The following UNC13C variants were observed in gnomAD, a reference collection of about 807,000 sequenced individuals.
The protein encoded by UNC13C is unc-13 homolog C, also known as protein unc-13 homolog C.
Under a neutral mutation model 245.4 loss-of-function variants are expected in UNC13C, and 174 were observed. The observed-to-expected ratio is 0.71, with a 90% CI of 0.63 to 0.80. The LOEUF is 0.80. Among genes scored for constraint, UNC13C ranks in the 30% least tolerant of loss-of-function variants. The pLI is 0.00. For missense variants in UNC13C, 2,829 were observed against 2,602.9 expected, an observed-to-expected ratio of 1.09 and a Z score of -1.89; for synonymous variants, 992 against 895.1, an observed-to-expected ratio of 1.11 and a Z score of -1.93.
At chr15:53,870,235 G>T in the UNC13C span, among the ~76,000 whole-genome samples, 279 of 152,236 alleles carry the variant, frequency 1.8e-3, no homozygotes, top group African/African-American at 6.6e-3. Context: ...AGTTTACCAA[G>T]TCTCACCCAA....
At chr15:54,391,756 A>C (rs2039961611) in intron 17 of UNC13C, among the ~76,000 whole-genome samples, 1 of 152,126 alleles carries the variant, frequency 6.6e-6, no homozygotes, top group African/African-American at 2.4e-5. Flanking sequence ...ATCCTAGGGA[A>C]ATATATGCTC....
At chr15:54,492,782 A>T (rs1893777923) in intron 19 of UNC13C, among the ~76,000 whole-genome samples, 1 of 151,928 alleles carries the variant, frequency 6.6e-6, no homozygotes, top group Non-Finnish European at 1.5e-5. Flanking sequence ...TTCTCCCCAC[A>T]CTCCAAAGCA....
the UNC13C span, among the ~76,000 whole-genome samples, chr15:53,920,025 A>G: frequency 6.8e-4 from 104 of 152,176 alleles, no homozygotes; most frequent in African/African-American, 2.5e-3. Context: ...GAAGACAGCT[A>G]TATAATTTGG....
intron 7 of UNC13C, among the ~76,000 whole-genome samples, chr15:54,244,815 T>C (rs1246047754): frequency 6.7e-6 from 1 of 149,804 alleles, no homozygotes; most frequent in Non-Finnish European, 1.5e-5. Flanking sequence ...TTTTTGCACA[T>C]TGATTTTGTA....
intron 1 of UNC13C, among the ~76,000 whole-genome samples, chr15:53,992,782 C>T (rs1027115808): frequency 6.6e-6 from 1 of 152,076 alleles, no homozygotes; most frequent in Non-Finnish European, 1.5e-5. Context: ...TGTTGTCTTT[C>T]AAGTCAGCTT....
rs77710091 is a variant in UNC13C, at chr15:54,381,178, G to A, written c.4714-11870G>A. On this transcript the variant is annotated intron_variant, in intron 17 of 32. Transcript: ENST00000260323. ...GTATAATTTTATTCTTCTGCATGTG[G>A]ATGTCTAGTTTTCTTAACATCATTG... Among the ~76,000 whole-genome samples, 1,421 of 152,184 alleles carry A rather than the reference G, an allele frequency of 9.3e-3. 28 individuals carry two copies. The highest frequency in any genetic ancestry group is 0.032 in the African/African-American group (1,348 of 41,538).
In UNC13C at chr15:54,576,796, G is replaced by A. The variant is rs186258327; in HGVS notation, c.6106+8849G>A. Among the ~76,000 whole-genome samples the A allele has an allele frequency of 3.3e-5, 5 of 152,170 alleles. No homozygotes were observed. In the East Asian group the frequency reaches 7.7e-4, roughly 24 times the overall value. Reference sequence around the variant, plus strand: ...GTGAGTCATTTTGTGATTGATAATTGGCAACCCTCTCTTCTTACAATGTAA... The same window carrying A: ...GTGAGTCATTTTGTGATTGATAATTAGCAACCCTCTCTTCTTACAATGTAA... On this transcript the variant is annotated intron_variant, in intron 30 of 32. Transcript: ENST00000260323.
At chr15:54,000,874 A>T (rs1489907113) in intron 1 of UNC13C, among the ~76,000 whole-genome samples, 2 of 152,190 alleles carry the variant, frequency 1.3e-5, no homozygotes, top group Non-Finnish European at 2.9e-5. Flanking sequence ...GTTTCTTGTT[A>T]TACGTATATT....
chr15:54,257,979 G>A (rs2036322477), intron 8 of UNC13C, among the ~76,000 whole-genome samples: 2 of 152,108 alleles, frequency 1.3e-5, no homozygotes, highest in East Asian at 3.9e-4. Flanking sequence ...CCACCTACAT[G>A]TTTTTACTGG....
At chr15:54,114,500 T>A (rs140174320) in intron 2 of UNC13C, among the ~76,000 whole-genome samples, 3 of 152,304 alleles carry the variant, frequency 2.0e-5, no homozygotes, top group Middle Eastern at 3.4e-3. Context: ...ATTTTAGATT[T>A]TTGAAAACTA....
intron 19 of UNC13C, among the ~76,000 whole-genome samples, chr15:54,468,455 G>A (rs1892293727): frequency 6.6e-6 from 1 of 151,266 alleles, no homozygotes; most frequent in Admixed American, 6.6e-5. Flanking sequence ...TTTTTATTTT[G>A]ATTCATTCCA....
rs1373810181 is a variant in UNC13C at position 54,219,241 on chromosome 15, C to A, written c.3072-15789C>A. On this transcript the variant is annotated intron_variant, in intron 4 of 32. Transcript: ENST00000260323. ...AACCAAAACAGCATGGTACTGGTACCAAAACAGAGATATAGATCAATGGAA... is the reference window on the plus strand; with the variant it reads ...AACCAAAACAGCATGGTACTGGTACAAAAACAGAGATATAGATCAATGGAA... Among the ~76,000 whole-genome samples the A allele has an allele frequency of 2.4e-4, 37 of 151,068 alleles. No individual in the cohort carries two copies. The South Asian group carries it at 2.7e-3, about 11-fold the overall frequency.
chr15:54,013,852 A>G lies in UNC13C; in HGVS notation c.949A>G (p.Ser317Gly), dbSNP rs1227273413. 1.2e-6 allele frequency: 2 copies of G among 1,613,556 alleles called. No homozygotes were observed. Among genetic ancestry groups the G allele is most frequent in the Non-Finnish European group, 1.7e-6 (2 of 1,179,724 alleles). Residue 317 changes from serine to glycine, a missense_variant, in exon 2 of 33, where the codon AGC (serine) becomes GGC (glycine). Ser to Gly is a moderately conservative substitution (Grantham distance 56). Transcript: ENST00000260323. ...TATTAAGCACTTAGGTCATATGGGT[A>G]GCAAGGCAAGCCTGAGATTTTTAAA... ...DYIKHLGHMG[S>G]KASLRFLNVT...
chr15:54,241,223 C>T (rs889686705), intron 7 of UNC13C, among the ~76,000 whole-genome samples: 2 of 152,118 alleles, frequency 1.3e-5, no homozygotes, highest in East Asian at 3.9e-4. Context: ...CATGTTAAGG[C>T]TGGCAGGCTT....
chr15:54,132,474 T>C (rs2031491808), intron 2 of UNC13C, among the ~76,000 whole-genome samples: 2 of 152,174 alleles, frequency 1.3e-5, no homozygotes, highest in African/African-American at 4.8e-5. Context: ...TCCAGTTGCA[T>C]CCAGAAGTAT....
chr15:53,932,236 G>A, the UNC13C span, among the ~76,000 whole-genome samples: 4 of 151,988 alleles, frequency 2.6e-5, no homozygotes, highest in Admixed American at 2.6e-4. Flanking sequence ...TTGAACCCGG[G>A]AGGCAGAGGT....
chr15:54,388,682 C>G lies in UNC13C; in HGVS notation c.4714-4366C>G, dbSNP rs142770103. On this transcript the variant is annotated intron_variant, in intron 17 of 32. Coordinates refer to ENST00000260323, the MANE Select transcript of UNC13C (RefSeq NM_001080534.3). ...CTCTTCCGTTTCAGCAGGGGCCTCT[C>G]TCCTTTACCTATGTCTCTTATAAAA... is the stretch of plus-strand genomic sequence containing the variant. 4.5e-3 allele frequency among the ~76,000 whole-genome samples: 682 copies of G among 152,278 alleles called. 2 individuals are homozygous for G. Among genetic ancestry groups the G allele is most frequent in the African/African-American group, 0.016 (649 of 41,556 alleles).
intron 26 of UNC13C, among the ~76,000 whole-genome samples, chr15:54,538,133 CAAAAAAAAAAAAAAAAA>C (rs56041311): frequency 5.9e-4 from 6 of 10,236 alleles, no homozygotes; most frequent in Non-Finnish European, 7.3e-4. Flanking sequence ...CATTAACAAG[CAAAAAAAAAAAAAAAAA>C]AAAAAAAAAA....
chr15:54,014,853 A>G lies in UNC13C; in HGVS notation c.1950A>G (p.Leu650=). ...ATTACAGTGATTCTCAGCTCTCTTT[A>G]CATGAGGATCTTTCTCCATGGAAGG... is the stretch of plus-strand genomic sequence containing the variant. ...RSHYSDSQLS[L]HEDLSPWKEW... is the part of the protein sequence containing the mutation. The change falls in exon 2 of 33, where the codon TTA becomes TTG. Residue 650 remains leucine, a synonymous_variant. Coordinates refer to ENST00000260323, the MANE Select transcript of UNC13C (RefSeq NM_001080534.3). 1 of 1,613,910 alleles carries G rather than the reference A, an allele frequency of 6.2e-7. No individual in the cohort carries two copies.
Sources: allele counts gnomAD v4.1 joint callset (sites outside exome capture counted in the v4.1 genomes callset), GRCh38; gene constraint gnomAD v4.1.1; transcripts MANE v1.5; gene names NCBI Gene and HGNC (gene_info 2026-07-23, HGNC 2026-07-21).